Variants in BCL7C observed in about 807,000 individuals in gnomAD.
The protein encoded by BCL7C is BAF chromatin remodeling complex subunit BCL7C.
BCL7C carries 8 observed loss-of-function variants against 26.2 expected under a neutral mutation model. The observed-to-expected ratio is 0.30, with a 90% confidence interval of 0.18 to 0.55. BCL7C has a LOEUF of 0.55. BCL7C is among the 20% of genes least tolerant of loss of function. The pLI is 0.93. For missense variants in BCL7C, 262 were observed against 298.5 expected, an observed-to-expected ratio of 0.88 and a Z score of 0.90; for synonymous variants, 90 against 116.5, an observed-to-expected ratio of 0.77 and a Z score of 1.47.
chr16:30,852,514 T>C (rs1036594729), intron 5 of BCL7C, among the ~76,000 whole-genome samples: 11 of 148,422 alleles, frequency 7.4e-5, no homozygotes, highest in Non-Finnish European at 1.5e-4. Flanking sequence ...TTTTTTGAGA[T>C]GGAGTCCTGC....
chr16:30,839,796 C>A (rs2054590957), intron 5 of BCL7C, among the ~76,000 whole-genome samples: 1 of 152,190 alleles, frequency 6.6e-6, no homozygotes, highest in African/African-American at 2.4e-5. Context: ...CCAGTCACAC[C>A]CATACAGTGG....
rs764985607 is a variant in BCL7C, at chr16:30,892,886, G to A, written c.234C>T (p.Gly78=). 1.2e-5 allele frequency: 20 copies of A among 1,612,640 alleles called. No homozygotes were observed. Among genetic ancestry groups the A allele is most frequent in the East Asian group, 4.5e-5 (2 of 44,870 alleles). ...GAGGGCCACCCCCTCGGGGACTGGCGCCCCTGCCCCGACGTTCCCGGCCAC... is the reference window on the plus strand; with the variant it reads ...GAGGGCCACCCCCTCGGGGACTGGCACCCCTGCCCCGACGTTCCCGGCCAC... ...RSRGRERRGR[G]ASPRGGGPLI... is the part of the protein sequence containing the mutation. The change falls in exon 3 of 6, where the codon GGC becomes GGT. Residue 78 remains glycine, a synonymous_variant. Transcript: ENST00000215115.
chr16:30,876,674 T>A (rs1158135154), intron 5 of BCL7C, among the ~76,000 whole-genome samples: 1 of 151,330 alleles, frequency 6.6e-6, no homozygotes, highest in African/African-American at 2.4e-5. Flanking sequence ...GGAGGTGAAA[T>A]CAAACCCAAA....
intron 5 of BCL7C, among the ~76,000 whole-genome samples, chr16:30,855,949 C>T (rs1045447301): frequency 1.3e-5 from 2 of 151,142 alleles, no homozygotes; most frequent in African/African-American, 4.9e-5. Context: ...GTAATCCCAG[C>T]TACTCAGGAG....
chr16:30,884,234 G>T (rs989215497), downstream of BCL7C, among the ~76,000 whole-genome samples: 2 of 151,856 alleles, frequency 1.3e-5, no homozygotes, highest in South Asian at 4.2e-4. Context: ...AGTCAAGAAT[G>T]GGGGAGACTC....
At chr16:30,841,677 C>T (rs544494926) in intron 5 of BCL7C, among the ~76,000 whole-genome samples, 6 of 152,192 alleles carry the variant, frequency 3.9e-5, no homozygotes, top group African/African-American at 9.6e-5. Flanking sequence ...GGCCCTTGGC[C>T]GGGCATGGTG....
chr16:30,858,225 T>G (rs1021140124), intron 5 of BCL7C, among the ~76,000 whole-genome samples: 1 of 152,130 alleles, frequency 6.6e-6, no homozygotes, highest in Non-Finnish European at 1.5e-5. Context: ...ATTGCCACAG[T>G]GAAGAGTCCC....
chr16:30,860,536 C>G (rs1266997237), intron 5 of BCL7C, among the ~76,000 whole-genome samples: 5 of 152,180 alleles, frequency 3.3e-5, no homozygotes. Flanking sequence ...AACCTAAACA[C>G]CTTATTTTCT....
At chr16:30,891,687 A>G (rs1212049974) in intron 4 of BCL7C, among the ~76,000 whole-genome samples, 4 of 152,032 alleles carry the variant, frequency 2.6e-5, no homozygotes, top group Non-Finnish European at 5.9e-5. Flanking sequence ...ACATAGGGCC[A>G]GGCACAGTGA....
intron 5 of BCL7C, among the ~76,000 whole-genome samples, chr16:30,872,989 C>T (rs1156476304): frequency 6.6e-6 from 1 of 152,200 alleles, no homozygotes; most frequent in East Asian, 1.9e-4. Context: ...CACATCCCAT[C>T]TTCCCAACCT....
intron 5 of BCL7C, among the ~76,000 whole-genome samples, chr16:30,841,600 C>T (rs867196439): frequency 1.3e-5 from 2 of 152,166 alleles, no homozygotes; most frequent in African/African-American, 2.4e-5. Flanking sequence ...GACAATTACC[C>T]GACAACCAGT....
chr16:30,868,426 C>T lies in BCL7C; in HGVS notation c.528+20434G>A, dbSNP rs552985241. ...TGCTGGGATTACAGGCGTGAGTCAC[C>T]GCACCCCGCCAAATCTGTGTTGTTT... On this transcript the variant is annotated intron_variant, in intron 5 of 5. Transcript: ENST00000380317. Among the ~76,000 whole-genome samples the T allele has an allele frequency of 4.0e-3, 603 of 149,660 alleles. 2 individuals carry two copies. The highest frequency in any genetic ancestry group is 0.01 in the Middle Eastern group (3 of 290).
chr16:30,865,335 C>A (rs894090924), intron 5 of BCL7C, among the ~76,000 whole-genome samples: 4 of 152,050 alleles, frequency 2.6e-5, no homozygotes, highest in Admixed American at 1.3e-4. Context: ...AAATAAACAG[C>A]CTTGTTGCTC....
intron 4 of BCL7C, among the ~76,000 whole-genome samples, chr16:30,889,553 G>A (rs1421720879): frequency 4.6e-5 from 7 of 152,114 alleles, no homozygotes; most frequent in African/African-American, 1.4e-4. Flanking sequence ...GCAGTGGCGC[G>A]ATCTCGGCTC....
chr16:30,836,164 G>A (rs1248926958), intron 5 of BCL7C, among the ~76,000 whole-genome samples: 2 of 152,176 alleles, frequency 1.3e-5, no homozygotes, highest in African/African-American at 4.8e-5. Flanking sequence ...TGAGGCACGA[G>A]AATCGCTTGA....
chr16:30,869,834 C>G (rs1596601688), intron 5 of BCL7C, among the ~76,000 whole-genome samples: 1 of 152,084 alleles, frequency 6.6e-6, no homozygotes, highest in East Asian at 1.9e-4. Context: ...TTTCTGAGTT[C>G]AGCATGGACC....
At chr16:30,852,152 GTCT>G (rs1449303219) in intron 5 of BCL7C, 2 of 156,348 alleles carry the variant, frequency 1.3e-5, no homozygotes, top group African/African-American at 4.8e-5. Flanking sequence ...CAAGGCTCTT[GTCT>G]TCTTTGCAAA....
downstream of BCL7C, among the ~76,000 whole-genome samples, chr16:30,882,986 C>G (rs920376224): frequency 6.6e-6 from 1 of 152,120 alleles, no homozygotes; most frequent in African/African-American, 2.4e-5. Context: ...TCTGGGATAT[C>G]CCAATGGAGA....
intron 5 of BCL7C, among the ~76,000 whole-genome samples, chr16:30,853,363 C>T (rs2054693448): frequency 6.6e-6 from 1 of 152,200 alleles, no homozygotes; most frequent in African/African-American, 2.4e-5. Context: ...AGATCACTGT[C>T]TTCCACTTCC....
Sources: gnomAD v4.1 joint callset for allele counts (sites outside exome capture counted in the v4.1 genomes callset) on GRCh38, gnomAD v4.1.1 for gene constraint, MANE v1.5 for transcripts, NCBI Gene and HGNC (gene_info 2026-07-23, HGNC 2026-07-21) for gene names.